ERBB4: variants seen among roughly 807,000 people sequenced by gnomAD.
ERBB4 encodes erb-b2 receptor tyrosine kinase 4, also known as receptor tyrosine-protein kinase erbB-4.
A neutral mutation model predicts 158.0 loss-of-function variants in ERBB4; 42 were observed. The ratio of observed to expected loss-of-function variants is 0.27; its 90% CI spans 0.21 to 0.34. The LOEUF (loss-of-function observed/expected upper bound fraction) is 0.34, where lower values mean the gene tolerates loss of function less well. Among genes scored for constraint, ERBB4 ranks in the 10% least tolerant of loss-of-function variants. ERBB4 has a pLI of 1.00. For missense variants in ERBB4, 1,333 were observed against 1,624.1 expected (o/e 0.82, Z 3.08); for synonymous variants, 583 against 558.7 (o/e 1.04, Z -0.61).
intron 1 of ERBB4, among the ~76,000 whole-genome samples, chr2:212,352,597 G>A (rs1185747756): frequency 6.6e-6 from 1 of 152,126 alleles, no homozygotes; most frequent in Non-Finnish European, 1.5e-5. Flanking sequence ...GCCAGGTGTG[G>A]TGGCTCATGC....
At chr2:211,437,480 T>C (rs1046873373) in intron 20 of ERBB4, among the ~76,000 whole-genome samples, 1 of 152,212 alleles carries the variant, frequency 6.6e-6, no homozygotes, top group Non-Finnish European at 1.5e-5. Flanking sequence ...ATGACCTTCT[T>C]TTCAATCTTA....
At chr2:211,948,148 T>C (rs971217337) in intron 2 of ERBB4, among the ~76,000 whole-genome samples, 10 of 152,006 alleles carry the variant, frequency 6.6e-5, no homozygotes, top group Non-Finnish European at 1.3e-4. Flanking sequence ...TAAAAACTAA[T>C]TGTTGTGGCC....
At chr2:212,516,294 AAT>A (rs1691839186) in intron 1 of ERBB4, among the ~76,000 whole-genome samples, 1 of 152,016 alleles carries the variant, frequency 6.6e-6, no homozygotes, top group Admixed American at 6.5e-5. Context: ...ATATTTCTGA[AAT>A]ATATTATTTT....
At chr2:212,155,367 AC>A (rs1369150835) in intron 1 of ERBB4, among the ~76,000 whole-genome samples, 3 of 145,172 alleles carry the variant, frequency 2.1e-5, no homozygotes, top group Non-Finnish European at 4.6e-5. Context: ...CATATCCCAC[AC>A]CCCAATGTCT....
At chr2:211,886,859 A>T (rs999340526) in intron 3 of ERBB4, among the ~76,000 whole-genome samples, 1 of 152,196 alleles carries the variant, frequency 6.6e-6, no homozygotes, top group Admixed American at 6.5e-5. Flanking sequence ...TGCACATTGA[A>T]GGCAGTTAAA....
chr2:211,942,398 C>T (rs1455898826), intron 3 of ERBB4, among the ~76,000 whole-genome samples: 1 of 151,476 alleles, frequency 6.6e-6, no homozygotes, highest in African/African-American at 2.4e-5. Flanking sequence ...TCTGTGCCAT[C>T]CAGGCTGGAG....
At chr2:212,474,437 T>G (rs915297432) in intron 1 of ERBB4, among the ~76,000 whole-genome samples, 1 of 152,148 alleles carries the variant, frequency 6.6e-6, no homozygotes, top group Non-Finnish European at 1.5e-5. Flanking sequence ...GATGTTAGTA[T>G]TACTGAAATG....
At chr2:211,864,029 G>A (rs2078139108) in intron 3 of ERBB4, among the ~76,000 whole-genome samples, 1 of 152,182 alleles carries the variant, frequency 6.6e-6, no homozygotes, top group African/African-American at 2.4e-5. Context: ...CCTGCTGGCA[G>A]TAGCAAGGGG....
intron 18 of ERBB4, among the ~76,000 whole-genome samples, chr2:211,620,187 C>T (rs1021967834): frequency 3.3e-5 from 5 of 152,126 alleles, no homozygotes; most frequent in Admixed American, 6.6e-5. Context: ...CCCAAATGAA[C>T]GCAAAAGCAA....
At chr2:211,462,329 T>C (rs534428945) in intron 20 of ERBB4, among the ~76,000 whole-genome samples, 2 of 152,132 alleles carry the variant, frequency 1.3e-5, no homozygotes, top group South Asian at 2.1e-4. Flanking sequence ...ACTTCCAACA[T>C]TGGGGATTAC....
intron 4 of ERBB4, among the ~76,000 whole-genome samples, chr2:211,762,996 G>C (rs2075452371): frequency 6.6e-6 from 1 of 152,032 alleles, no homozygotes; most frequent in African/African-American, 2.4e-5. Context: ...TTATTTGCCT[G>C]TTTTTTGTTA....
chr2:211,974,054 C>T (rs995290933), intron 2 of ERBB4, among the ~76,000 whole-genome samples: 19 of 152,062 alleles, frequency 1.2e-4, no homozygotes, highest in Middle Eastern at 6.8e-3. Context: ...CACAGAGAGG[C>T]GAACAACACA....
chr2:211,676,693 T>C (rs2072087878), intron 13 of ERBB4, among the ~76,000 whole-genome samples: 1 of 152,240 alleles, frequency 6.6e-6, no homozygotes, highest in Non-Finnish European at 1.5e-5. Flanking sequence ...ATTTATAAGA[T>C]GCTGCTATTA....
chr2:212,171,533 C>T (rs776040533), intron 1 of ERBB4, among the ~76,000 whole-genome samples: 4 of 152,034 alleles, frequency 2.6e-5, no homozygotes, highest in Non-Finnish European at 5.9e-5. Flanking sequence ...CTCTGGGCCC[C>T]AACAAGTCTC....
At chr2:212,443,897 T>C (rs368944563) in intron 1 of ERBB4, among the ~76,000 whole-genome samples, 6 of 152,302 alleles carry the variant, frequency 3.9e-5, no homozygotes, top group South Asian at 2.1e-4. Flanking sequence ...CATTTGACCA[T>C]AGGTCATCAA....
At chr2:211,657,894 AG>A in intron 15 of ERBB4, 66 bp from the exon 16 acceptor site, 1 of 1,602,210 alleles carries the variant, frequency 6.2e-7, no homozygotes, top group Non-Finnish European at 8.6e-7. Flanking sequence ...CACATGCACC[AG>A]TGCTCACACA....
intron 1 of ERBB4, among the ~76,000 whole-genome samples, chr2:212,204,382 G>A (rs2082674724): frequency 6.6e-6 from 1 of 152,020 alleles, no homozygotes; most frequent in Non-Finnish European, 1.5e-5. Flanking sequence ...AAAGAACTGT[G>A]AACTTCTGAC....
At chr2:212,080,238 G>A (rs905421928) in intron 2 of ERBB4, among the ~76,000 whole-genome samples, 1 of 151,678 alleles carries the variant, frequency 6.6e-6, no homozygotes, top group Non-Finnish European at 1.5e-5. Flanking sequence ...GTTTGAACCC[G>A]GGAAGCGGAG....
intron 1 of ERBB4, among the ~76,000 whole-genome samples, chr2:212,388,953 T>C (rs950259494): frequency 2.6e-5 from 4 of 152,166 alleles, no homozygotes; most frequent in African/African-American, 9.6e-5. Flanking sequence ...CATCTCTAAA[T>C]ATAATTCAAC....
Sources: allele counts gnomAD v4.1 joint callset (sites outside exome capture counted in the v4.1 genomes callset), GRCh38; gene constraint gnomAD v4.1.1; transcripts MANE v1.5; gene names NCBI Gene and HGNC (gene_info 2026-07-23, HGNC 2026-07-21).